The following CTDSPL variants were observed in gnomAD, a reference collection of about 807,000 sequenced individuals.
CTDSPL encodes the protein CTD small phosphatase-like protein.
In CTDSPL, 8 loss-of-function variants were observed where a neutral mutation model predicts 30.5. The ratio of observed to expected loss-of-function variants is 0.26; its 90% confidence interval spans 0.15 to 0.47. CTDSPL has a LOEUF of 0.47. CTDSPL is among the 20% of genes least tolerant of loss of function. The probability of loss-of-function intolerance (pLI) is 0.99; values close to 1 mark genes in which losing one functional copy is unlikely to be tolerated. For missense variants in CTDSPL, 248 were observed against 366.1 expected (o/e 0.68, Z 2.63); for synonymous variants, 110 against 137.9 (o/e 0.80, Z 1.42).
In CTDSPL at chr3:37,947,168, G is replaced by C. The variant is rs770930217; in HGVS notation, c.191G>C (p.Ser64Thr). 3.0e-5 allele frequency: 49 copies of C among 1,612,610 alleles called. 1 individual carries two copies. The South Asian group carries it at 3.4e-4, about 11-fold the overall frequency. Reference protein sequence around the residue: ...NVEAPPPSSPSVLPPLVEENG... With the variant: ...NVEAPPPSSPTVLPPLVEENG... ...GAGGCCCCTCCACCCAGCAGCCCCA[G>C]TGTGCTTCCGCCACTGGTGGAGGAG... The change falls in exon 2 of 8, where the codon AGT (serine) becomes ACT (threonine). Residue 64 changes from serine to threonine, a missense_variant. Physicochemically the swap from Ser to Thr is moderately conservative, Grantham distance 58 (BLOSUM62 1). This residue lies in a region of CTDSPL where 118 missense variants were observed against 124.7 expected (regional missense o/e 0.95). Coordinates refer to ENST00000273179, the MANE Select transcript of CTDSPL (RefSeq NM_001008392.2).
chr3:37,946,828 C>T (rs1428293910), intron 1 of CTDSPL, among the ~76,000 whole-genome samples: 3 of 152,274 alleles, frequency 2.0e-5, no homozygotes, highest in Middle Eastern at 3.4e-3. Context: ...GGATCCTGTC[C>T]AGCCAGAGGG....
In CTDSPL at chr3:37,918,924, C is replaced by T. The variant is rs772795438; in HGVS notation, c.80-28133C>T. 3.3e-5 allele frequency among the ~76,000 whole-genome samples: 5 copies of T among 151,974 alleles called. No individual in the cohort carries two copies. In the Middle Eastern group the frequency reaches 0.01, roughly 310 times the overall value. ...AACACTAAGGGACATTGTGGGGAGC[C>T]GTGTTTGCCTTTAATTGTAATAGAA... On this transcript the variant is annotated intron_variant, in intron 1 of 7. Coordinates refer to ENST00000273179, the MANE Select transcript of CTDSPL (RefSeq NM_001008392.2).
chr3:37,976,000 T>C lies in CTDSPL; in HGVS notation c.705+106T>C, dbSNP rs1273001491. On this transcript the variant is annotated intron_variant, in intron 7 of 7. Coordinates refer to ENST00000273179, the MANE Select transcript of CTDSPL (RefSeq NM_001008392.2). The surrounding 1 kb of genome is among the most constrained non-coding windows in gnomAD (Gnocchi z 4.9). ...TACACAAGAAGGTCTCTGGGCCTTTTCCTAATGAAATCCCAGCTCTGCCAT... is the reference window on the plus strand; with the variant it reads ...TACACAAGAAGGTCTCTGGGCCTTTCCCTAATGAAATCCCAGCTCTGCCAT... The C allele has an allele frequency of 1.6e-5, 19 of 1,208,928 alleles. No homozygotes were observed. Among genetic ancestry groups the C allele is most frequent in the Non-Finnish European group, 2.2e-5 (19 of 870,230 alleles). 74.9% of individuals were successfully genotyped at this position (1,208,928 alleles called of 1,614,324 possible).
intron 7 of CTDSPL, 147 bp from the exon 8 acceptor site, chr3:37,980,595 G>C: frequency 8.5e-7 from 1 of 1,172,424 alleles, no homozygotes; most frequent in East Asian, 2.7e-5. Context: ...TTTGAACAAG[G>C]GAACAAACAA....
At position 37,981,212 on chromosome 3, in the gene CTDSPL, A is replaced by G. The variant is rs1699488204; in HGVS notation, c.*345A>G. ...CCAAGCAGACCACCTGTCCCCTTCT[A>G]TCCCAGCTCAGAGCAGCTGACCCAA... On this transcript the variant is annotated 3_prime_UTR_variant, in exon 8 of 8. Coordinates refer to ENST00000273179, the MANE Select transcript of CTDSPL (RefSeq NM_001008392.2). 1 of 167,708 alleles carries G rather than the reference A, an allele frequency of 6.0e-6. No individual in the cohort carries two copies. Among genetic ancestry groups the G allele is most frequent in the Admixed American group, 6.1e-5 (1 of 16,456 alleles). 10.4% of individuals were successfully genotyped at this position (167,708 alleles called of 1,614,324 possible). A position where few individuals can be genotyped will look rare whatever the true frequency, so the allele number is the denominator to read the frequency against.
At chr3:37,924,327 C>T (rs1253212405) in intron 1 of CTDSPL, among the ~76,000 whole-genome samples, 2 of 151,784 alleles carry the variant, frequency 1.3e-5, no homozygotes, top group Non-Finnish European at 2.9e-5. Context: ...TTTTTATCCA[C>T]GTGTACAAGG....
At chr3:37,898,579 C>T (rs1698414173) in intron 1 of CTDSPL, among the ~76,000 whole-genome samples, 1 of 152,162 alleles carries the variant, frequency 6.6e-6, no homozygotes, top group South Asian at 2.1e-4. Context: ...CACACATGAT[C>T]TCATGTATTC....
chr3:37,973,002 G>T (rs1320031086), intron 6 of CTDSPL, among the ~76,000 whole-genome samples: 1 of 152,198 alleles, frequency 6.6e-6, no homozygotes, highest in Non-Finnish European at 1.5e-5. Flanking sequence ...TGCTTTGCTG[G>T]CCTGGCCATT....
intron 6 of CTDSPL, among the ~76,000 whole-genome samples, chr3:37,973,804 A>G (rs1699394590): frequency 6.6e-6 from 1 of 152,278 alleles, no homozygotes. Context: ...AAAAAGAGAC[A>G]AAGTCCCTCC....
intron 1 of CTDSPL, among the ~76,000 whole-genome samples, chr3:37,927,627 G>T (rs1342385395): frequency 3.8e-5 from 5 of 132,812 alleles, no homozygotes; most frequent in Non-Finnish European, 6.4e-5. Context: ...GTGGTTAAAA[G>T]AAAAATATAT....
At chr3:37,963,101 A>G (rs1369064024) in intron 3 of CTDSPL, among the ~76,000 whole-genome samples, 3 of 152,226 alleles carry the variant, frequency 2.0e-5, no homozygotes, top group African/African-American at 4.8e-5. Context: ...TCCAAGGCAC[A>G]TCCCCACATC....
chr3:37,966,245 C>T lies in CTDSPL; in HGVS notation c.369+1573C>T, dbSNP rs954510853. On this transcript the variant is annotated intron_variant, in intron 4 of 7. Coordinates refer to ENST00000273179, the MANE Select transcript of CTDSPL (RefSeq NM_001008392.2). ...ATGGTGTTTCCTCATTTCTTCCCTC[C>T]CCTGGCCTGCCTACATTTGCAACCA... Among the ~76,000 whole-genome samples the T allele has an allele frequency of 2.6e-5, 4 of 152,346 alleles. No homozygotes were observed. The South Asian group carries it at 8.3e-4, about 32-fold the overall frequency.
intron 1 of CTDSPL, among the ~76,000 whole-genome samples, chr3:37,906,670 C>T (rs1451355198): frequency 6.6e-6 from 1 of 152,124 alleles, no homozygotes; most frequent in African/African-American, 2.4e-5. Flanking sequence ...GCCACTGATG[C>T]CCTGGTAGAC....
At chr3:37,928,540 T>G (rs994153427) in intron 1 of CTDSPL, among the ~76,000 whole-genome samples, 1 of 152,210 alleles carries the variant, frequency 6.6e-6, no homozygotes, top group Non-Finnish European at 1.5e-5. Flanking sequence ...TAGAGAAATA[T>G]CTATGCCAGT....
chr3:37,977,427 G>T (rs970711433), intron 7 of CTDSPL, among the ~76,000 whole-genome samples: 106 of 152,186 alleles, frequency 7.0e-4, no homozygotes, highest in African/African-American at 2.5e-3. Context: ...TTTATTTGTT[G>T]AAGAAGCCCT....
At chr3:37,887,288 G>A (rs74420522) in intron 1 of CTDSPL, among the ~76,000 whole-genome samples, 3,710 of 152,284 alleles carry the variant, frequency 0.024, 118 homozygotes, top group South Asian at 0.078. Context: ...CCTAGCCTCT[G>A]TGGCCTGCCA....
At position 37,982,253 on chromosome 3, in the gene CTDSPL, G is replaced by A. The variant is rs1699500783; in HGVS notation, c.*1386G>A. The A allele has an allele frequency of 3.1e-6, 1 of 317,570 alleles. No individual in the cohort carries two copies. The highest frequency in any genetic ancestry group is 2.6e-5 in the South Asian group (1 of 38,052). The allele number at this position is 317,570 out of a possible 1,614,324, so 19.7% of individuals were successfully genotyped here. On this transcript the variant is annotated 3_prime_UTR_variant, in exon 8 of 8. Transcript: ENST00000273179. ...TATTTCTGAGCCAAGGGTTGGGGAA[G>A]CCTGTCTAGATGTGGGACTCATTGC...
chr3:37,876,675 T>TTG (rs1490446580), intron 1 of CTDSPL, among the ~76,000 whole-genome samples: 1 of 152,222 alleles, frequency 6.6e-6, no homozygotes, highest in East Asian at 1.9e-4. Flanking sequence ...GTGCTTATTA[T>TTG]TGTGGGTTTT....
intron 1 of CTDSPL, among the ~76,000 whole-genome samples, chr3:37,869,639 G>A (rs1698050911): frequency 6.6e-6 from 1 of 152,004 alleles, no homozygotes. Context: ...TAGAACTTTA[G>A]CAGTATGTCG....
Sources: allele counts gnomAD v4.1 joint callset (sites outside exome capture counted in the v4.1 genomes callset), GRCh38; gene constraint gnomAD v4.1.1; regional missense constraint gnomAD v4.1.1; non-coding constraint Gnocchi (gnomAD v3.1); transcripts MANE v1.5; gene names NCBI Gene and HGNC (gene_info 2026-07-23, HGNC 2026-07-21).